The following DAAM2 variants were observed in gnomAD, a reference collection of about 807,000 sequenced individuals.
DAAM2 encodes disheveled-associated activator of morphogenesis 2.
In DAAM2, 39 loss-of-function variants were observed where a neutral mutation model predicts 120.7. That is an observed-to-expected ratio of 0.32 (90% CI 0.25 to 0.42). The LOEUF (loss-of-function observed/expected upper bound fraction) is 0.42. DAAM2 is among the 10% of genes least tolerant of loss of function. DAAM2 has a pLI of 1.00. For synonymous variants in DAAM2, 488 were observed against 524.9 expected (o/e 0.93, Z 0.96); for missense variants, 1,283 against 1,401.7 (o/e 0.92, Z 1.35).
intron 10 of DAAM2, among the ~76,000 whole-genome samples, chr6:39,874,332 A>G (rs1764784486): frequency 6.6e-6 from 1 of 152,354 alleles, no homozygotes; most frequent in South Asian, 2.1e-4. Context: ...ATGGTAAATG[A>G]TACAACTTTG....
intron 19 of DAAM2, among the ~76,000 whole-genome samples, chr6:39,895,830 T>C (rs1406946750): frequency 1.3e-5 from 2 of 152,210 alleles, no homozygotes; most frequent in Non-Finnish European, 2.9e-5. Flanking sequence ...GTTAGCTTAG[T>C]TTGTATTTCT....
intron 1 of DAAM2, among the ~76,000 whole-genome samples, chr6:39,838,808 A>G (rs1314176117): frequency 1.3e-5 from 2 of 152,066 alleles, no homozygotes; most frequent in Non-Finnish European, 2.9e-5. Flanking sequence ...ACAGGCACAC[A>G]CTACCACACC....
rs147346022 is a variant in DAAM2, at chr6:39,841,610, AG to A, written c.-56-14635del. Reference sequence around the variant, plus strand: ...TCTGAAGGGGTGACAGGATGGAAAAAGGTGACACACAGCAGGCACTTTCCAG... The same window carrying A: ...TCTGAAGGGGTGACAGGATGGAAAAAGTGACACACAGCAGGCACTTTCCAG... On this transcript the variant is annotated intron_variant, in intron 1 of 24. Coordinates refer to ENST00000274867, the MANE Select transcript of DAAM2 (RefSeq NM_001201427.2). Among the ~76,000 whole-genome samples the A allele has an allele frequency of 4.3e-3, 652 of 152,216 alleles. 6 individuals carry two copies. Among genetic ancestry groups the A allele is most frequent in the African/African-American group, 0.014 (601 of 41,520 alleles).
At chr6:39,867,144 T>C (rs1005620121) in intron 5 of DAAM2, among the ~76,000 whole-genome samples, 4 of 152,256 alleles carry the variant, frequency 2.6e-5, no homozygotes. Flanking sequence ...ATGGCTTTCC[T>C]ATCTGGAAGC....
chr6:39,793,090 C>CA (rs1761596585), intron 1 of DAAM2: 1 of 152,238 alleles, frequency 6.6e-6, no homozygotes, highest in South Asian at 2.1e-4. Flanking sequence ...CTGACTTTAC[C>CA]AGGCGTCGGG....
Position 39,870,458 on chromosome 6 carries a change from C to A in DAAM2, c.977+15C>A, listed in dbSNP as rs768190596. On this transcript the variant is annotated intron_variant, in intron 8 of 24. Transcript: ENST00000274867. ...ATCCTGGACAAGTAAGTTCCAAGCACCCGTCTCCATTGCAAACCTGTGGGG... is the reference window on the plus strand; with the variant it reads ...ATCCTGGACAAGTAAGTTCCAAGCAACCGTCTCCATTGCAAACCTGTGGGG... The A allele has an allele frequency of 4.0e-5, 60 of 1,514,110 alleles. No individual in the cohort carries two copies. In the African/African-American group the frequency reaches 7.7e-4, roughly 19 times the overall value. 93.8% of individuals were successfully genotyped at this position (1,514,110 alleles called of 1,614,324 possible).
rs566751321 is a variant in DAAM2, at chr6:39,878,964, C to T, written c.1546-214C>T. Among the ~76,000 whole-genome samples, 10 of 151,804 alleles carry T rather than the reference C, an allele frequency of 6.6e-5. No homozygotes were observed. Among genetic ancestry groups the T allele is most frequent in the East Asian group, 1.9e-4 (1 of 5,168 alleles). On this transcript the variant is annotated intron_variant, in intron 13 of 24. Transcript: ENST00000274867. The surrounding 1 kb of genome is among the most constrained non-coding windows in gnomAD (Gnocchi z 5.0). ...GATTGTCCAGTGTCCGTGTGCGTGA[C>T]GTGTGTGTGTCTGTGGTGGTGGTGT...
intron 15 of DAAM2, chr6:39,886,252 T>C: frequency 2.5e-6 from 1 of 396,274 alleles, no homozygotes; most frequent in Non-Finnish European, 4.4e-6. Context: ...GCAGCTCCTG[T>C]CTAGTGCCAC....
rs997132448 is a variant in DAAM2, at chr6:39,814,338, C to T, written c.-57+21873C>T. Among the ~76,000 whole-genome samples the T allele has an allele frequency of 3.9e-5, 6 of 152,180 alleles. No homozygotes were observed. In the East Asian group the frequency reaches 1.2e-3, roughly 29 times the overall value. On this transcript the variant is annotated intron_variant, in intron 1 of 24. Coordinates refer to ENST00000274867, the MANE Select transcript of DAAM2 (RefSeq NM_001201427.2). ...TGACAGAAGATGAAGAGCATCTAAA[C>T]CTCAACCTCCCAGCTCCTATGTGAG...
chr6:39,893,782 G>A (rs1470986877), intron 19 of DAAM2, among the ~76,000 whole-genome samples: 1 of 152,144 alleles, frequency 6.6e-6, no homozygotes, highest in Non-Finnish European at 1.5e-5. Context: ...CAGTGTGTGT[G>A]ACTATAAGTG....
intron 15 of DAAM2, chr6:39,884,680 C>G (rs1321099598): frequency 6.5e-6 from 1 of 153,506 alleles, no homozygotes; most frequent in Non-Finnish European, 1.5e-5. Context: ...ATATTGCTCT[C>G]AAGGCTCTAT....
Position 39,868,920 on chromosome 6 carries a change from C to T in DAAM2, c.860C>T (p.Ala287Val). Residue 287 changes from alanine (A) to valine (V), a missense_variant, in exon 7 of 25, where the codon GCT becomes GTT. By Grantham distance (64) the Ala-to-Val change is moderately conservative (BLOSUM62 0). Transcript: ENST00000274867. The part of the protein sequence containing the change: ...IMSFINAVLN[A>V]GAGEDNLEFR... The stretch of plus-strand genomic sequence containing the variant: ...TCCTTCATCAATGCTGTCCTCAATG[C>T]TGGAGCTGGAGAGGTGGGGTGCCTT... 6.3e-7 allele frequency: 1 copy of T among 1,575,928 alleles called. No individual in the cohort carries two copies. The highest frequency in any genetic ancestry group is 1.2e-5 in the South Asian group (1 of 85,416).
intron 14 of DAAM2, among the ~76,000 whole-genome samples, chr6:39,882,658 G>A (rs369051483): frequency 3.6e-4 from 55 of 151,376 alleles, no homozygotes; most frequent in African/African-American, 1.2e-3. Context: ...GAAGCCCGAC[G>A]CCTCTCCTAG....
Position 39,887,529 on chromosome 6 carries a change from A to G in DAAM2, c.1997A>G (p.Lys666Arg). Residue 666 changes from lysine (K) to arginine (R), a missense_variant, in exon 16 of 25, where the codon AAG (lysine) becomes AGG (arginine). This residue lies in a region of DAAM2 where 748 missense variants were observed against 768.6 expected (regional missense o/e 0.97). Coordinates refer to ENST00000274867, the MANE Select transcript of DAAM2 (RefSeq NM_001201427.2). ...GAAGACATCTACCTGGCTTCCCGCA[A>G]GGTCAAAGAGCTGTCGGTCATTGAT... Reference protein sequence around the residue: ...STEDIYLASRKVKELSVIDGR... With the variant: ...STEDIYLASRRVKELSVIDGR... 2 of 1,613,928 alleles carry G rather than the reference A, an allele frequency of 1.2e-6. No individual in the cohort carries two copies. The highest frequency in any genetic ancestry group is 1.7e-6 in the Non-Finnish European group (2 of 1,179,856).
At chr6:39,854,351 G>A (rs1763921026) in intron 1 of DAAM2, among the ~76,000 whole-genome samples, 2 of 152,250 alleles carry the variant, frequency 1.3e-5, no homozygotes, top group South Asian at 2.1e-4. Context: ...ATAGAAATGG[G>A]GATGGCTGTC....
intron 1 of DAAM2, among the ~76,000 whole-genome samples, chr6:39,797,542 C>G (rs1040730869): frequency 2.0e-5 from 3 of 152,228 alleles, no homozygotes; most frequent in African/African-American, 7.2e-5. Flanking sequence ...ATTAGAACCA[C>G]TTGGGGGAGC....
Position 39,888,777 on chromosome 6 carries a change from T to C in DAAM2, c.2145+14T>C, listed in dbSNP as rs371947823. Reference sequence around the variant, plus strand: ...ATGCTGGAGCAGGTGAGGACCCTCGTGGGAAGGAAGGGGAACTGAACCCAG... The same window carrying C: ...ATGCTGGAGCAGGTGAGGACCCTCGCGGGAAGGAAGGGGAACTGAACCCAG... On this transcript the variant is annotated intron_variant, in intron 17 of 24. Transcript: ENST00000274867. 3.0e-4 allele frequency: 478 copies of C among 1,607,672 alleles called. No individual in the cohort carries two copies. The highest frequency in any genetic ancestry group is 3.9e-4 in the Non-Finnish European group (455 of 1,175,910).
chr6:39,794,218 A>T (rs1761631638), intron 1 of DAAM2, among the ~76,000 whole-genome samples: 1 of 152,194 alleles, frequency 6.6e-6, no homozygotes, highest in Admixed American at 6.5e-5. Flanking sequence ...CATGAGATGC[A>T]CATGCCTATG....
intron 1 of DAAM2, among the ~76,000 whole-genome samples, chr6:39,842,903 G>A (rs1174828452): frequency 2.6e-5 from 4 of 152,044 alleles, no homozygotes; most frequent in South Asian, 2.1e-4. Flanking sequence ...CATGTGGAAC[G>A]AGCAAGTCTA....
Sources: gnomAD v4.1 joint callset for allele counts (sites outside exome capture counted in the v4.1 genomes callset) on GRCh38, gnomAD v4.1.1 for gene constraint, gnomAD v4.1.1 regional missense constraint, Gnocchi (gnomAD v3.1) non-coding constraint, MANE v1.5 for transcripts, NCBI Gene and HGNC (gene_info 2026-07-23, HGNC 2026-07-21) for gene names.